Variants in SYT9 observed in about 807,000 individuals in gnomAD.
SYT9 encodes the protein synaptotagmin-9.
Under a neutral mutation model 48.4 loss-of-function variants are expected in SYT9, and 22 were observed. The observed-to-expected ratio is 0.45, with a 90% CI of 0.32 to 0.65. The LOEUF (loss-of-function observed/expected upper bound fraction) is 0.65. Ranked by LOEUF, SYT9 falls within the 30% of genes least tolerant of loss-of-function variation. The probability of loss-of-function intolerance (pLI) is 0.03; values close to 1 mark genes in which losing one functional copy is unlikely to be tolerated. For synonymous variants in SYT9, 265 were observed against 245.0 expected, an observed-to-expected ratio of 1.08 and a Z score of -0.76; for missense variants, 577 against 622.0, an observed-to-expected ratio of 0.93 and a Z score of 0.77.
chr11:7,247,686 A>G (rs11041284), upstream of SYT9, among the ~76,000 whole-genome samples: 6,621 of 118,034 alleles, frequency 0.056, 181 homozygotes, highest in African/African-American at 0.078. Context: ...ATATGTGTGT[A>G]TATATATATA....
intron 1 of SYT9, among the ~76,000 whole-genome samples, chr11:7,283,157 A>G (rs1848532722): frequency 1.3e-5 from 2 of 148,748 alleles, no homozygotes; most frequent in African/African-American, 2.5e-5. Flanking sequence ...GTATATATAT[A>G]TATATATACA....
intron 3 of SYT9, among the ~76,000 whole-genome samples, chr11:7,328,373 C>T (rs1849472471): frequency 6.6e-6 from 1 of 151,324 alleles, no homozygotes; most frequent in Non-Finnish European, 1.5e-5. Context: ...TTGTTTTGAC[C>T]CCATTTTACT....
intron 3 of SYT9, among the ~76,000 whole-genome samples, chr11:7,339,415 G>T (rs764947381): frequency 6.6e-6 from 1 of 152,050 alleles, no homozygotes; most frequent in Non-Finnish European, 1.5e-5. Flanking sequence ...TGGTTGTTAC[G>T]CCAGCTTGTT....
intron 1 of SYT9, among the ~76,000 whole-genome samples, chr11:7,276,281 A>T (rs151227753): frequency 3.5e-4 from 53 of 152,192 alleles, no homozygotes; most frequent in African/African-American, 1.2e-3. Context: ...TGTCCCTATG[A>T]TCACCTTATT....
intron 1 of SYT9, among the ~76,000 whole-genome samples, chr11:7,296,151 A>G (rs1484107765): frequency 6.6e-6 from 1 of 152,210 alleles, no homozygotes; most frequent in Non-Finnish European, 1.5e-5. Flanking sequence ...ACCTTCCTAA[A>G]TATTCACTAA....
intron 1 of SYT9, among the ~76,000 whole-genome samples, chr11:7,244,766 C>T (rs780730803): frequency 9.9e-5 from 15 of 152,162 alleles, no homozygotes; most frequent in Non-Finnish European, 1.8e-4. Flanking sequence ...AATCCCACAC[C>T]ATTTCCCAAA....
chr11:7,256,291 CCAG>C (rs1329699040), intron 1 of SYT9, among the ~76,000 whole-genome samples: 5 of 152,076 alleles, frequency 3.3e-5, no homozygotes, highest in Admixed American at 6.5e-5. Context: ...TATCTGTGTT[CCAG>C]CAGCAGCAGC....
intron 6 of SYT9, among the ~76,000 whole-genome samples, chr11:7,464,490 T>C (rs1395341863): frequency 6.6e-6 from 1 of 152,174 alleles, no homozygotes; most frequent in Non-Finnish European, 1.5e-5. Flanking sequence ...CTTGTGCAAA[T>C]TAGTGTCTCT....
intron 5 of SYT9, among the ~76,000 whole-genome samples, chr11:7,419,955 A>G (rs1469053432): frequency 6.6e-6 from 1 of 152,188 alleles, no homozygotes; most frequent in East Asian, 1.9e-4. Flanking sequence ...TATAGTTGGG[A>G]AACTAACTGG....
At chr11:7,310,728 G>C (rs1347702261) in intron 2 of SYT9, among the ~76,000 whole-genome samples, 2 of 152,160 alleles carry the variant, frequency 1.3e-5, no homozygotes, top group African/African-American at 4.8e-5. Context: ...TTACAGGCAT[G>C]AGCCACTGCA....
chr11:7,389,661 C>T (rs1276229013), intron 3 of SYT9, among the ~76,000 whole-genome samples: 1 of 151,986 alleles, frequency 6.6e-6, no homozygotes. Context: ...ATCAACTCAT[C>T]ACTGAATAAA....
chr11:7,391,523 A>T (rs543434302), intron 3 of SYT9, among the ~76,000 whole-genome samples: 1 of 151,978 alleles, frequency 6.6e-6, no homozygotes, highest in African/African-American at 2.4e-5. Context: ...AGAGTATCTC[A>T]TTGTGGTTTT....
chr11:7,282,508 A>G lies in SYT9; in HGVS notation c.146-20531A>G, dbSNP rs540302694. 2.0e-5 allele frequency among the ~76,000 whole-genome samples: 3 copies of G among 152,292 alleles called. No individual in the cohort carries two copies. The East Asian group carries it at 5.8e-4, about 29-fold the overall frequency. ...TGAGTTCACAGAGACAGTCAGGTAG[A>G]CAGATGTCAGGTTAGGAACTCCAGG... On this transcript the variant is annotated intron_variant, in intron 1 of 6. Coordinates refer to ENST00000318881, the MANE Select transcript of SYT9 (RefSeq NM_175733.4).
intron 3 of SYT9, among the ~76,000 whole-genome samples, chr11:7,317,078 C>G (rs1242516656): frequency 6.6e-6 from 1 of 152,074 alleles, no homozygotes; most frequent in East Asian, 1.9e-4. Context: ...TTTATGGTGT[C>G]TTTGATAAAT....
intron 1 of SYT9, among the ~76,000 whole-genome samples, chr11:7,259,178 G>A (rs2119802546): frequency 6.6e-6 from 1 of 152,170 alleles, no homozygotes; most frequent in Non-Finnish European, 1.5e-5. Context: ...CGCAATGCAT[G>A]CGAAATACCA....
chr11:7,263,841 G>A (rs78310329), intron 1 of SYT9, among the ~76,000 whole-genome samples: 2,403 of 149,702 alleles, frequency 0.016, 58 homozygotes, highest in African/African-American at 0.056. Flanking sequence ...GAGAAATTGA[G>A]AGAAAAGAGT....
At chr11:7,317,435 C>G (rs1192429201) in intron 3 of SYT9, among the ~76,000 whole-genome samples, 1 of 152,150 alleles carries the variant, frequency 6.6e-6, no homozygotes, top group Admixed American at 6.5e-5. Flanking sequence ...TGGTGAGGCT[C>G]TCTTCCTGGC....
chr11:7,463,058 C>G (rs1848262662), intron 6 of SYT9, among the ~76,000 whole-genome samples: 3 of 152,198 alleles, frequency 2.0e-5, no homozygotes, highest in Admixed American at 2.0e-4. Context: ...ACAATCTTCT[C>G]TGTTCAGATA....
chr11:7,416,281 C>G lies in SYT9; in HGVS notation c.1165+119C>G, dbSNP rs145799490. ...GGAACCAGACTGCCTAGGCTTAGCC[C>G]TAGTCCTAACACCTGTGTGACCTTG... On this transcript the variant is annotated intron_variant, in intron 4 of 6. Coordinates refer to ENST00000318881, the MANE Select transcript of SYT9 (RefSeq NM_175733.4). 321 of 1,194,240 alleles carry G rather than the reference C, an allele frequency of 2.7e-4. 4 individuals carry two copies. The East Asian group carries it at 6.5e-3, about 24-fold the overall frequency. The allele number at this position is 1,194,240 out of a possible 1,614,324, so 74.0% of individuals were successfully genotyped here.
Sources: gnomAD v4.1 joint callset for allele counts (sites outside exome capture counted in the v4.1 genomes callset) on GRCh38, gnomAD v4.1.1 for gene constraint, MANE v1.5 for transcripts, NCBI Gene and HGNC (gene_info 2026-07-23, HGNC 2026-07-21) for gene names.